The following FCRL5 variants were observed in gnomAD, a reference collection of about 807,000 sequenced individuals.
FCRL5 encodes the protein Fc receptor like 5, also known as Fc receptor-like protein 5.
A neutral mutation model predicts 92.1 loss-of-function variants in FCRL5; 79 were observed. The observed-to-expected ratio is 0.86, with a 90% CI of 0.72 to 1.03. The LOEUF (loss-of-function observed/expected upper bound fraction) is 1.03, where lower values mean the gene tolerates loss of function less well. Ranked by LOEUF, FCRL5 falls within the 50% of genes least tolerant of loss-of-function variation. The pLI, the probability that FCRL5 is intolerant of heterozygous loss-of-function variation, is 0.00. For missense variants in FCRL5, 1,160 were observed against 1,181.1 expected, an observed-to-expected ratio of 0.98 and a Z score of 0.26; for synonymous variants, 466 against 469.3, an observed-to-expected ratio of 0.99 and a Z score of 0.09.
At chr1:157,520,349 G>T in intron 12 of FCRL5, 82 bp downstream of exon 12, 2 of 982,858 alleles carry the variant, frequency 2.0e-6, no homozygotes, top group Non-Finnish European at 3.1e-6. Context: ...GCCTGGGATG[G>T]TCACAAAGGC....
chr1:157,522,439 CTAGT>C (rs1336771096), intron 10 of FCRL5: 1 of 152,216 alleles, frequency 6.6e-6, no homozygotes, highest in Non-Finnish European at 1.5e-5. Context: ...TGTCTGCAAG[CTAGT>C]TACTTCACTT....
In FCRL5 at chr1:157,524,506, A is replaced by T; in HGVS notation, c.2012T>A (p.Val671Glu). 2.5e-6 allele frequency: 4 copies of T among 1,613,956 alleles called. No individual in the cohort carries two copies. The highest frequency in any genetic ancestry group is 2.5e-6 in the Non-Finnish European group (3 of 1,179,826). Residue 671 changes from valine (V) to glutamate (E), a missense_variant, in exon 10 of 17, where the codon GTG becomes GAG. Physicochemically the swap from Val to Glu is moderately radical, Grantham distance 121 (BLOSUM62 -2). Transcript: ENST00000361835. Reference protein sequence around the residue: ...LTFRAPRAQAVVGDLLELHCE... With the variant: ...LTFRAPRAQAEVGDLLELHCE... ...GTGAAGCTCCAGCAGGTCCCCCACC[A>T]CAGCCTGGGCCCTGGGAGCCCTGAA...
chr1:157,539,514 A>G, intron 6 of FCRL5, 150 bp from the exon 7 acceptor site: 1 of 693,798 alleles, frequency 1.4e-6, no homozygotes. Context: ...TTTTTATTTT[A>G]TTCCTTAATA....
chr1:157,543,392 A>G (rs1651365779), intron 5 of FCRL5, among the ~76,000 whole-genome samples: 1 of 152,168 alleles, frequency 6.6e-6, no homozygotes, highest in African/African-American at 2.4e-5. Flanking sequence ...CATTGGCCTC[A>G]GGGATTTATT....
In FCRL5 at chr1:157,520,552, G is replaced by C. The variant is rs1448917785; in HGVS notation, c.2516-5C>G. The C allele has an allele frequency of 8.2e-6, 13 of 1,580,568 alleles. No homozygotes were observed. Among genetic ancestry groups the C allele is most frequent in the Middle Eastern group, 1.8e-4 (1 of 5,688 alleles). On this transcript the variant is annotated splice_region_variant and splice_polypyrimidine_tract_variant and intron_variant, in intron 11 of 16. Coordinates refer to ENST00000361835, the MANE Select transcript of FCRL5 (RefSeq NM_031281.3). The stretch of plus-strand genomic sequence containing the variant: ...CACTTCTGTTCGCGGTCAGCCCTGA[G>C]GGGGAGACCCTGTGTGTGAGCCAGA...
chr1:157,544,549 A>G lies in FCRL5; in HGVS notation c.560-3T>C. ...CAGCACTGGACGTGTAAATGGCTCTAGAGAGAAGAATCACAACAGTCCCAG... is the reference window on the plus strand; with the variant it reads ...CAGCACTGGACGTGTAAATGGCTCTGGAGAGAAGAATCACAACAGTCCCAG... On this transcript the variant is annotated splice_region_variant and splice_polypyrimidine_tract_variant and intron_variant, in intron 4 of 16. Transcript: ENST00000361835. 6.2e-7 allele frequency: 1 copy of G among 1,612,706 alleles called. No homozygotes were observed. Among genetic ancestry groups the G allele is most frequent in the Non-Finnish European group, 8.5e-7 (1 of 1,179,158 alleles).
At position 157,518,428 on chromosome 1, in the gene FCRL5, C is replaced by A; in HGVS notation, c.2812+1G>T. On this transcript the variant is annotated splice_donor_variant, in intron 15 of 16. Transcript: ENST00000361835. LOFTEE classifies it high-confidence loss of function. ...AGAACAGAGACATCCTTGGGTCTTA[C>A]CTGCATGTTTCTTTTTCTCTTGGAT... 6.2e-7 allele frequency: 1 copy of A among 1,613,034 alleles called. No individual in the cohort carries two copies. Among genetic ancestry groups the A allele is most frequent in the Non-Finnish European group, 8.5e-7 (1 of 1,178,948 alleles).
chr1:157,544,983 T>A lies in FCRL5; in HGVS notation c.407A>T (p.Tyr136Phe). The A allele has an allele frequency of 1.2e-6, 2 of 1,614,206 alleles. No individual in the cohort carries two copies. The highest frequency in any genetic ancestry group is 1.7e-6 in the Non-Finnish European group (2 of 1,180,044). ...KAEVTLNNTI[Y>F]KNDNVLAFLN... ...GAATGCCAGGACATTATCATTCTTG[T>A]AAATAGTATTATTCAGTGTTACTTC... Residue 136 changes from tyrosine (Y) to phenylalanine (F), a missense_variant, in exon 4 of 17, where the codon TAC becomes TTC. Coordinates refer to ENST00000361835, the MANE Select transcript of FCRL5 (RefSeq NM_031281.3).
At chr1:157,533,250 A>G (rs1385390572) in intron 8 of FCRL5, 1 of 152,018 alleles carries the variant, frequency 6.6e-6, no homozygotes, top group African/African-American at 2.4e-5. Context: ...CTTCGGTTCA[A>G]TTTTCTGAGG....
chr1:157,544,433 G>A lies in FCRL5; in HGVS notation c.673C>T (p.Arg225Trp), dbSNP rs776148902. ...LSLERSDVPL[R>W]FRFFRDDQTL... ...TGGTCATCTCTGAAGAAGCGGAACC[G>A]GAGCGGGACATCTGACCTCTCTAGA... Residue 225 changes from arginine (R) to tryptophan (W), a missense_variant, in exon 5 of 17, where the codon CGG (arginine) becomes TGG (tryptophan). Physicochemically the swap from Arg to Trp is moderately radical, Grantham distance 101 (BLOSUM62 -3). Coordinates refer to ENST00000361835, the MANE Select transcript of FCRL5 (RefSeq NM_031281.3). The A allele has an allele frequency of 9.9e-6, 16 of 1,614,190 alleles. No homozygotes were observed. Among genetic ancestry groups the A allele is most frequent in the South Asian group, 4.4e-5 (4 of 91,072 alleles).
chr1:157,517,726 C>T (rs1002273607), intron 15 of FCRL5, among the ~76,000 whole-genome samples: 3 of 152,082 alleles, frequency 2.0e-5, no homozygotes. Context: ...CTGCTTCATC[C>T]CCCCAAATTT....
chr1:157,519,956 A>G (rs995472311), intron 12 of FCRL5, among the ~76,000 whole-genome samples, 186 bp from the exon 13 acceptor site: 1 of 152,196 alleles, frequency 6.6e-6, no homozygotes, highest in African/African-American at 2.4e-5. Flanking sequence ...GGGGTTTGCT[A>G]TGATGTGAAA....
chr1:157,514,743 C>T lies in FCRL5; in HGVS notation c.*932G>A, dbSNP rs1649846965. On this transcript the variant is annotated 3_prime_UTR_variant, in exon 17 of 17. Coordinates refer to ENST00000361835, the MANE Select transcript of FCRL5 (RefSeq NM_031281.3). ...GCACATGAAAGTGTGAGAAGCCCTT[C>T]CTCTTGCTGAACAGTTTCCTCATCC... 1 of 152,324 alleles carries T rather than the reference C, an allele frequency of 6.6e-6. No homozygotes were observed. The highest frequency in any genetic ancestry group is 1.5e-5 in the Non-Finnish European group (1 of 68,110). The allele number at this position is 152,324 out of a possible 1,614,324, so 9.4% of individuals were successfully genotyped here.
intron 2 of FCRL5, 70 bp from the exon 3 acceptor site, chr1:157,547,267 C>T (rs1651594921): frequency 6.3e-7 from 1 of 1,585,624 alleles, no homozygotes; most frequent in Non-Finnish European, 8.6e-7. Context: ...CCTCCTGCTG[C>T]ATAGCCTGAA....
intron 2 of FCRL5, chr1:157,547,501 G>A (rs748473749): frequency 1.8e-5 from 9 of 508,306 alleles, no homozygotes; most frequent in Admixed American, 2.8e-5. Flanking sequence ...TCAATGCTGC[G>A]CTGCCATTTC....
rs370831548 is a variant in FCRL5, at chr1:157,539,385, G to A, written c.1124-21C>T. On this transcript the variant is annotated intron_variant, in intron 6 of 16. Coordinates refer to ENST00000361835, the MANE Select transcript of FCRL5 (RefSeq NM_031281.3). ...GGGAACTGAGAGAGAGAAAAAATTA[G>A]TCAAGATTTGTTTCTGCCTCCTGCT... The A allele has an allele frequency of 1.3e-5, 21 of 1,571,208 alleles. No homozygotes were observed. The South Asian group carries it at 2.5e-4, about 19-fold the overall frequency.
intron 9 of FCRL5, among the ~76,000 whole-genome samples, chr1:157,525,568 C>A (rs74118654): frequency 1.3e-5 from 2 of 152,088 alleles, no homozygotes. Context: ...TTTAAAAGAC[C>A]ATTTTGACCT....
Position 157,534,121 on chromosome 1 carries a change from A to T in FCRL5, c.1681+493T>A, listed in dbSNP as rs1296556838. 3 of 325,316 alleles carry T rather than the reference A, an allele frequency of 9.2e-6. No homozygotes were observed. The East Asian group carries it at 2.1e-4, about 23-fold the overall frequency. The allele number at this position is 325,316 out of a possible 1,614,324, so 20.2% of individuals were successfully genotyped here. ...TACTGATTTTAGCAGGTTAGAAAAC[A>T]AGGGATCATAAAAACTCCAGAAGTT... On this transcript the variant is annotated intron_variant, in intron 8 of 16. Transcript: ENST00000361835.
chr1:157,521,294 TGAA>T lies in FCRL5; in HGVS notation c.2240-5_2240-3del. ...TGAGGACCGGGCGAGACACCGGAAC[TGAA>T]AGAGAACAAAAAGTCAACAGCAGTT... On this transcript the variant is annotated splice_polypyrimidine_tract_variant and splice_region_variant and intron_variant, in intron 10 of 16. Transcript: ENST00000361835. 6.3e-7 allele frequency: 1 copy of T among 1,595,124 alleles called. No homozygotes were observed. Among genetic ancestry groups the T allele is most frequent in the Non-Finnish European group, 8.5e-7 (1 of 1,172,642 alleles).
Sources: allele counts gnomAD v4.1 joint callset (sites outside exome capture counted in the v4.1 genomes callset), GRCh38; gene constraint gnomAD v4.1.1; transcripts MANE v1.5; gene names NCBI Gene and HGNC (gene_info 2026-07-23, HGNC 2026-07-21).